Variants in DNAL1 observed in about 807,000 individuals in gnomAD.
The protein encoded by DNAL1 is dynein axonemal light chain 1, also known as chromosome 14 open reading frame 168.
In DNAL1, 17 loss-of-function variants were observed where a neutral mutation model predicts 29.4. That is an observed-to-expected ratio of 0.58 (90% CI 0.40 to 0.87). The LOEUF (loss-of-function observed/expected upper bound fraction) is 0.87, where lower values mean the gene tolerates loss of function less well. Among genes scored for constraint, DNAL1 ranks in the 40% least tolerant of loss-of-function variants. The probability of loss-of-function intolerance (pLI) is 0.00; values close to 1 mark genes in which losing one functional copy is unlikely to be tolerated. For synonymous variants in DNAL1, 78 were observed against 76.3 expected, an observed-to-expected ratio of 1.02 and a Z score of -0.12; for missense variants, 188 against 214.1, an observed-to-expected ratio of 0.88 and a Z score of 0.76.
rs912359075 is a variant in DNAL1 at position 73,696,611 on chromosome 14, TAC to T, written c.*671_*672del. On this transcript the variant is annotated 3_prime_UTR_variant, in exon 8 of 8. Coordinates refer to ENST00000553645, the MANE Select transcript of DNAL1 (RefSeq NM_031427.4). The stretch of plus-strand genomic sequence containing the variant: ...ATGCATGGCCACTTGAGTCATTGTG[TAC>T]AGTCATTCTGTGATCTCAGTTAGTG... The T allele has an allele frequency of 1.3e-5, 2 of 152,268 alleles. No individual in the cohort carries two copies. The highest frequency in any genetic ancestry group is 2.4e-5 in the African/African-American group (1 of 41,472). The allele number at this position is 152,268 out of a possible 1,614,324, so 9.4% of individuals were successfully genotyped here.
intron 7 of DNAL1, among the ~76,000 whole-genome samples, chr14:73,690,541 A>G (rs926583294): frequency 2.6e-5 from 4 of 151,848 alleles, no homozygotes; most frequent in African/African-American, 7.3e-5. Context: ...AACCCCATCT[A>G]CTCGGGAGGC....
intron 1 of DNAL1, among the ~76,000 whole-genome samples, chr14:73,647,364 CAAAAA>C (rs199974495): frequency 1.1e-5 from 1 of 92,752 alleles, no homozygotes; most frequent in African/African-American, 4.8e-5. Flanking sequence ...GACTCTGTCT[CAAAAA>C]AAAAAAAAAA....
chr14:73,692,521 T>C (rs556798303), intron 7 of DNAL1, among the ~76,000 whole-genome samples: 1 of 149,966 alleles, frequency 6.7e-6, no homozygotes, highest in East Asian at 2.0e-4. Context: ...TAGCCAGGCA[T>C]GGTGGCACAT....
At chr14:73,691,667 A>G (rs1892174214) in intron 7 of DNAL1, among the ~76,000 whole-genome samples, 1 of 152,144 alleles carries the variant, frequency 6.6e-6, no homozygotes, top group South Asian at 2.1e-4. Context: ...TACCTCCCCA[A>G]TTCAATTCAG....
At chr14:73,686,797 T>C (rs1309629036) in intron 5 of DNAL1, among the ~76,000 whole-genome samples, 1 of 152,216 alleles carries the variant, frequency 6.6e-6, no homozygotes, top group African/African-American at 2.4e-5. Context: ...AGCTCTATTA[T>C]TTAATAGTGT....
chr14:73,679,365 T>C (rs1891820680), intron 5 of DNAL1, among the ~76,000 whole-genome samples: 1 of 152,214 alleles, frequency 6.6e-6, no homozygotes, highest in Admixed American at 6.5e-5. Context: ...TCTGTTAAAA[T>C]ACTGATTATT....
At position 73,654,837 on chromosome 14, in the gene DNAL1, T is replaced by G. The variant is rs776047200; in HGVS notation, c.4-10T>G. ...GTTTTTTCTTTTCTTTCTTTTTTTT[T>G]TTTTTAAAGGCGAAAGCAACAACAA... On this transcript the variant is annotated splice_polypyrimidine_tract_variant and intron_variant, in intron 1 of 7. Coordinates refer to ENST00000553645, the MANE Select transcript of DNAL1 (RefSeq NM_031427.4). The G allele has an allele frequency of 5.3e-5, 80 of 1,515,406 alleles. No individual in the cohort carries two copies. In the Admixed American group the frequency reaches 1.9e-3, roughly 35 times the overall value. 93.9% of individuals were successfully genotyped at this position (1,515,406 alleles called of 1,614,324 possible).
chr14:73,666,871 T>C (rs1891495276), intron 4 of DNAL1, among the ~76,000 whole-genome samples: 1 of 152,162 alleles, frequency 6.6e-6, no homozygotes, highest in South Asian at 2.1e-4. Context: ...CTTGATTTCC[T>C]CCTGTCTTTT....
At position 73,700,189 on chromosome 14, in the gene DNAL1, CA is replaced by C. The variant is rs1284129997; in HGVS notation, c.*4252del. On this transcript the variant is annotated 3_prime_UTR_variant, in exon 8 of 8. Transcript: ENST00000553645. The stretch of plus-strand genomic sequence containing the variant: ...CAACGTGGTGAAACCCCATGTCTAC[CA>C]AAAATATAAAAAGATAGCCGGGCGT... The C allele has an allele frequency of 1.3e-5, 2 of 152,018 alleles. No homozygotes were observed. The highest frequency in any genetic ancestry group is 2.4e-5 in the African/African-American group (1 of 41,376). 9.4% of individuals were successfully genotyped at this position (152,018 alleles called of 1,614,324 possible). A position where few individuals can be genotyped will look rare whatever the true frequency, so the allele number is the denominator to read the frequency against.
At position 73,654,903 on chromosome 14, in the gene DNAL1, T is replaced by C; in HGVS notation, c.42+18T>C. ...CGAGATGGGTGAGTACATGAGTTTT[T>C]CCTTCTTTTAGAAACTGTACAAGGA... On this transcript the variant is annotated intron_variant, in intron 2 of 7. Transcript: ENST00000553645. 1 of 1,544,268 alleles carries C rather than the reference T, an allele frequency of 6.5e-7. No individual in the cohort carries two copies. Among genetic ancestry groups the C allele is most frequent in the East Asian group, 2.4e-5 (1 of 40,876 alleles).
intron 4 of DNAL1, among the ~76,000 whole-genome samples, chr14:73,669,836 A>G (rs369758201): frequency 6.6e-6 from 1 of 152,196 alleles, no homozygotes; most frequent in South Asian, 2.1e-4. Context: ...AGCCCATAAC[A>G]TGGGGTCTTG....
intron 1 of DNAL1, among the ~76,000 whole-genome samples, chr14:73,650,085 A>G (rs1891079632): frequency 1.3e-5 from 2 of 152,002 alleles, no homozygotes; most frequent in South Asian, 4.2e-4. Flanking sequence ...CTGGGCTCAA[A>G]TAGTCCCCCT....
chr14:73,680,374 G>A (rs945606035), intron 5 of DNAL1, among the ~76,000 whole-genome samples: 1 of 152,160 alleles, frequency 6.6e-6, no homozygotes, highest in Non-Finnish European at 1.5e-5. Context: ...AATTGATTTG[G>A]AGAGAAGTTA....
intron 7 of DNAL1, among the ~76,000 whole-genome samples, chr14:73,695,674 C>T (rs191508675): frequency 2.2e-3 from 338 of 152,002 alleles, no homozygotes; most frequent in East Asian, 0.012. Context: ...GGATTACAAC[C>T]GCCCGCCACC....
rs1302850006 is a variant in DNAL1 at position 73,696,699 on chromosome 14, A to G, written c.*757A>G. The G allele has an allele frequency of 6.6e-6, 1 of 152,094 alleles. No individual in the cohort carries two copies. Among genetic ancestry groups the G allele is most frequent in the African/African-American group, 2.4e-5 (1 of 41,386 alleles). 9.4% of individuals were successfully genotyped at this position (152,094 alleles called of 1,614,324 possible). On this transcript the variant is annotated 3_prime_UTR_variant, in exon 8 of 8. Coordinates refer to ENST00000553645, the MANE Select transcript of DNAL1 (RefSeq NM_031427.4). ...TAATGTGGCAATGTTACTCATGTGG[A>G]CCTCGCCTTAAGCACACATTTTGGT...
intron 4 of DNAL1, among the ~76,000 whole-genome samples, chr14:73,667,942 C>T (rs1891528067): frequency 6.7e-6 from 1 of 149,782 alleles, no homozygotes; most frequent in South Asian, 2.1e-4. Context: ...TACGTATGGA[C>T]TTACTTACAA....
Position 73,703,103 on chromosome 14 carries a change from G to A in DNAL1, c.*7161G>A, listed in dbSNP as rs1013807998. The A allele has an allele frequency of 5.9e-5, 9 of 152,056 alleles. No homozygotes were observed. The highest frequency in any genetic ancestry group is 1.5e-5 in the Non-Finnish European group (1 of 67,996). The allele number at this position is 152,056 out of a possible 1,614,324, so 9.4% of individuals were successfully genotyped here. ...TGCAAGACCCTGTCCCTAAAAAAAG[G>A]AAAAACAAATAGAAGACAAATTTCA... On this transcript the variant is annotated 3_prime_UTR_variant, in exon 8 of 8. Transcript: ENST00000553645.
intron 7 of DNAL1, among the ~76,000 whole-genome samples, chr14:73,691,996 CTTTTTT>C (rs3041353): frequency 1.8e-5 from 2 of 113,648 alleles, no homozygotes; most frequent in African/African-American, 7.5e-5. Context: ...TGTGCCCAGA[CTTTTTT>C]TTTTTTTTTT....
chr14:73,646,631 G>A (rs954877310), intron 1 of DNAL1, among the ~76,000 whole-genome samples: 6 of 152,004 alleles, frequency 3.9e-5, no homozygotes, highest in African/African-American at 7.2e-5. Context: ...GCATGGTGGC[G>A]AGTGGCTGTA....
Sources: allele counts gnomAD v4.1 joint callset (sites outside exome capture counted in the v4.1 genomes callset), GRCh38; gene constraint gnomAD v4.1.1; transcripts MANE v1.5; gene names NCBI Gene and HGNC (gene_info 2026-07-23, HGNC 2026-07-21).